The following LRP1B variants were observed in gnomAD, a reference collection of about 807,000 sequenced individuals.
LRP1B encodes the protein low-density lipoprotein receptor-related protein 1B.
LRP1B carries 217 observed loss-of-function variants against 556.6 expected under a neutral mutation model. The observed-to-expected ratio is 0.39, with a 90% CI of 0.35 to 0.44. The LOEUF (loss-of-function observed/expected upper bound fraction) is 0.44. LRP1B is among the 20% of genes least tolerant of loss of function. The pLI is 1.00. For missense variants in LRP1B, 5,053 were observed against 5,620.8 expected, an observed-to-expected ratio of 0.90 and a Z score of 3.23; for synonymous variants, 2,047 against 1,865.8, an observed-to-expected ratio of 1.10 and a Z score of -2.50.
At chr2:140,543,502 C>T (rs1385940531) in intron 43 of LRP1B, among the ~76,000 whole-genome samples, 1 of 151,820 alleles carries the variant, frequency 6.6e-6, no homozygotes, top group Non-Finnish European at 1.5e-5. Flanking sequence ...AAGAAGAAAA[C>T]TCATATACAT....
chr2:140,586,375 G>A lies in LRP1B; in HGVS notation c.7194+12256C>T, dbSNP rs562307513. Among the ~76,000 whole-genome samples, 7 of 152,224 alleles carry A rather than the reference G, an allele frequency of 4.6e-5. 1 individual carries two copies. The South Asian group carries it at 1.5e-3, about 32-fold the overall frequency. On this transcript the variant is annotated intron_variant, in intron 43 of 90. Transcript: ENST00000389484. ...TCTGCTCTCTCTAGCTAAAAGACCA[G>A]GAAAGAAACAACCTAGCAAGCACAG...
chr2:142,077,631 A>T (rs1364192780), intron 1 of LRP1B, among the ~76,000 whole-genome samples: 1 of 152,124 alleles, frequency 6.6e-6, no homozygotes, highest in Non-Finnish European at 1.5e-5. Flanking sequence ...ATTATTCACA[A>T]ATTCAAAGTT....
intron 2 of LRP1B, among the ~76,000 whole-genome samples, chr2:141,802,509 C>T (rs1406846154): frequency 2.0e-5 from 3 of 152,024 alleles, no homozygotes; most frequent in Non-Finnish European, 4.4e-5. Context: ...TGAACTTCAA[C>T]AGGGCCAATA....
intron 35 of LRP1B, among the ~76,000 whole-genome samples, chr2:140,730,418 C>T (rs937192726): frequency 6.6e-6 from 1 of 152,192 alleles, no homozygotes; most frequent in Non-Finnish European, 1.5e-5. Flanking sequence ...TGATCACTTA[C>T]TCTTGATATC....
chr2:141,749,082 A>G (rs1202879710), intron 2 of LRP1B, among the ~76,000 whole-genome samples: 1 of 152,152 alleles, frequency 6.6e-6, no homozygotes, highest in Non-Finnish European at 1.5e-5. Flanking sequence ...AAAATAACTA[A>G]TTTTATTTTA....
intron 66 of LRP1B, among the ~76,000 whole-genome samples, chr2:140,415,378 A>G (rs1160091355): frequency 6.6e-6 from 1 of 152,014 alleles, no homozygotes; most frequent in Admixed American, 6.6e-5. Context: ...GAAGCATGTG[A>G]TCTTTGTACC....
At chr2:140,487,156 G>C (rs769255570) in intron 58 of LRP1B, among the ~76,000 whole-genome samples, 1 of 151,810 alleles carries the variant, frequency 6.6e-6, no homozygotes, top group Non-Finnish European at 1.5e-5. Flanking sequence ...CAATCAGGAC[G>C]TTCATGATTT....
At chr2:141,148,141 G>T (rs1701832010) in intron 7 of LRP1B, among the ~76,000 whole-genome samples, 1 of 152,112 alleles carries the variant, frequency 6.6e-6, no homozygotes, top group South Asian at 2.1e-4. Flanking sequence ...ATCCATTCAG[G>T]AATAGTCTCA....
chr2:140,597,945 G>T (rs1682508423), intron 43 of LRP1B, among the ~76,000 whole-genome samples: 1 of 152,110 alleles, frequency 6.6e-6, no homozygotes, highest in South Asian at 2.1e-4. Context: ...CTGTACAGTG[G>T]TAGGGACATG....
intron 76 of LRP1B, among the ~76,000 whole-genome samples, chr2:140,352,358 T>C (rs1224788808): frequency 6.6e-6 from 1 of 152,016 alleles, no homozygotes; most frequent in African/African-American, 2.4e-5. Context: ...GTAGTTTTAG[T>C]AGAGACGGGG....
At position 142,045,359 on chromosome 2, in the gene LRP1B, C is replaced by A. The variant is rs539978185; in HGVS notation, c.82+85289G>T. Among the ~76,000 whole-genome samples the A allele has an allele frequency of 2.0e-5, 3 of 151,884 alleles. No homozygotes were observed. In the East Asian group the frequency reaches 5.8e-4, roughly 30 times the overall value. On this transcript the variant is annotated intron_variant, in intron 1 of 90. Transcript: ENST00000389484. ...AAAAATTCACCTCCTTCATCGTCAC[C>A]GTGCTTGCTTTTCAAGGAACGTTCT...
chr2:141,648,006 G>A (rs1324630561), intron 2 of LRP1B, among the ~76,000 whole-genome samples: 2 of 152,014 alleles, frequency 1.3e-5, no homozygotes, highest in Non-Finnish European at 2.9e-5. Flanking sequence ...ACAGAAATGT[G>A]GGGAATTCTG....
In LRP1B at chr2:140,264,702, ATGTGTGTGTGTGTG is replaced by A. The variant is rs3033314; in HGVS notation, c.13247+5526_13247+5539del. Among the ~76,000 whole-genome samples the A allele has an allele frequency of 2.9e-3, 430 of 148,972 alleles. 3 individuals carry two copies. Among genetic ancestry groups the A allele is most frequent in the African/African-American group, 7.9e-3 (318 of 40,024 alleles). On this transcript the variant is annotated intron_variant, in intron 86 of 90. Coordinates refer to ENST00000389484, the MANE Select transcript of LRP1B (RefSeq NM_018557.3). ...TGACAAAAAAAAAAATTGTCTATAT[ATGTGTGTGTGTGTG>A]TGTGTGTGTGTGTGTGTGTGTGTGT... is the stretch of plus-strand genomic sequence containing the variant.
At chr2:140,817,457 C>A (rs1245035564) in intron 31 of LRP1B, among the ~76,000 whole-genome samples, 1 of 151,704 alleles carries the variant, frequency 6.6e-6, no homozygotes, top group East Asian at 1.9e-4. Flanking sequence ...TATTATCAGT[C>A]CCGAATTTTC....
At chr2:141,166,664 T>A (rs1477858202) in intron 7 of LRP1B, among the ~76,000 whole-genome samples, 2 of 151,708 alleles carry the variant, frequency 1.3e-5, no homozygotes, top group Non-Finnish European at 2.9e-5. Flanking sequence ...CCATTAACCA[T>A]CCCCACTTCC....
At chr2:140,962,280 G>A (rs1459869551) in intron 18 of LRP1B, among the ~76,000 whole-genome samples, 1 of 152,056 alleles carries the variant, frequency 6.6e-6, no homozygotes, top group East Asian at 1.9e-4. Flanking sequence ...TTGAGGTTTT[G>A]CACACCACAA....
intron 1 of LRP1B, among the ~76,000 whole-genome samples, chr2:142,112,465 T>C (rs1409272919): frequency 6.6e-6 from 1 of 151,790 alleles, no homozygotes; most frequent in Non-Finnish European, 1.5e-5. Flanking sequence ...ATAGAGAAAA[T>C]TGGAAAAATG....
At chr2:141,193,714 C>T (rs188861257) in intron 6 of LRP1B, among the ~76,000 whole-genome samples, 110 of 150,410 alleles carry the variant, frequency 7.3e-4, no homozygotes, top group African/African-American at 2.1e-3. Flanking sequence ...CCTTGTACCC[C>T]GAACCTAAAA....
At chr2:140,816,651 C>G (rs9653169) in intron 31 of LRP1B, among the ~76,000 whole-genome samples, 40,626 of 151,870 alleles carry the variant, frequency 0.27, 5,631 homozygotes, top group South Asian at 0.33. Flanking sequence ...CTCCATATAT[C>G]TTCTTTCCTG....
Sources: allele counts gnomAD v4.1 joint callset (sites outside exome capture counted in the v4.1 genomes callset), GRCh38; gene constraint gnomAD v4.1.1; transcripts MANE v1.5; gene names NCBI Gene and HGNC (gene_info 2026-07-23, HGNC 2026-07-21).